The following KIF26B variants were observed in gnomAD, a reference collection of about 807,000 sequenced individuals.
KIF26B encodes the protein kinesin family member 26B.
Under a neutral mutation model 151.2 loss-of-function variants are expected in KIF26B, and 63 were observed. That is an observed-to-expected ratio of 0.42 (90% CI 0.34 to 0.51). The LOEUF is 0.51. Among genes scored for constraint, KIF26B ranks in the 20% least tolerant of loss-of-function variants. The pLI, the probability that KIF26B is intolerant of heterozygous loss-of-function variation, is 0.07. For missense variants in KIF26B, 2,813 were observed against 2,913.6 expected, an observed-to-expected ratio of 0.97 and a Z score of 0.79; for synonymous variants, 1,357 against 1,262.1, an observed-to-expected ratio of 1.08 and a Z score of -1.59.
intron 3 of KIF26B, among the ~76,000 whole-genome samples, chr1:245,416,804 C>G (rs1674431892): frequency 6.6e-6 from 1 of 152,140 alleles, no homozygotes; most frequent in Admixed American, 6.5e-5. Context: ...GGTAAATTAG[C>G]AGTTCCTGTA....
intron 10 of KIF26B, among the ~76,000 whole-genome samples, chr1:245,648,342 G>C (rs1173235778): frequency 6.6e-6 from 1 of 152,114 alleles, no homozygotes; most frequent in African/African-American, 2.4e-5. Context: ...TAAATGAGTA[G>C]GGAAACATTA....
intron 4 of KIF26B, among the ~76,000 whole-genome samples, chr1:245,497,084 T>C (rs560053805): frequency 3.2e-4 from 47 of 147,646 alleles, no homozygotes; most frequent in African/African-American, 1.2e-3. Flanking sequence ...ACCCTGGGGG[T>C]GGAGGTTGCT....
At chr1:245,690,704 A>T (rs1339994033) in intron 12 of KIF26B, among the ~76,000 whole-genome samples, 2 of 151,410 alleles carry the variant, frequency 1.3e-5, no homozygotes, top group African/African-American at 4.9e-5. Context: ...GTAGGGAATC[A>T]TCGTGGCTGT....
intron 10 of KIF26B, among the ~76,000 whole-genome samples, chr1:245,654,621 A>G (rs1405057480): frequency 1.3e-5 from 2 of 152,202 alleles, no homozygotes; most frequent in Non-Finnish European, 2.9e-5. Flanking sequence ...GCAGGACTCC[A>G]CCAGGCTTTC....
At chr1:245,196,592 T>C (rs1241272837) in intron 2 of KIF26B, among the ~76,000 whole-genome samples, 3 of 152,170 alleles carry the variant, frequency 2.0e-5, no homozygotes, top group Non-Finnish European at 4.4e-5. Flanking sequence ...CTCGCATTTC[T>C]AACGGGTTTC....
At chr1:245,457,773 T>C (rs535172602) in intron 4 of KIF26B, among the ~76,000 whole-genome samples, 5 of 152,374 alleles carry the variant, frequency 3.3e-5, no homozygotes, top group Admixed American at 3.3e-4. Flanking sequence ...TATTACATCA[T>C]AGGAGATTTC....
chr1:245,619,654 T>C (rs2043637187), intron 9 of KIF26B, among the ~76,000 whole-genome samples: 1 of 148,276 alleles, frequency 6.7e-6, no homozygotes, highest in Non-Finnish European at 1.5e-5. Flanking sequence ...TGGCTCACAC[T>C]GTAATCCCAG....
chr1:245,168,707 C>T (rs1668655232), intron 2 of KIF26B, among the ~76,000 whole-genome samples: 1 of 152,060 alleles, frequency 6.6e-6, no homozygotes, highest in South Asian at 2.1e-4. Context: ...TGATTTCTCT[C>T]TTTTTTTCTG....
intron 2 of KIF26B, among the ~76,000 whole-genome samples, chr1:245,190,635 TTTTG>T: frequency 1.6e-5 from 1 of 64,260 alleles, no homozygotes; most frequent in African/African-American, 5.7e-5. Context: ...GAATGTTTTG[TTTTG>T]TTTTTTTTTT....
chr1:245,652,145 T>A (rs6669528), intron 10 of KIF26B, among the ~76,000 whole-genome samples: 55,018 of 142,662 alleles, frequency 0.39, 11,033 homozygotes, highest in Middle Eastern at 0.48. Context: ...TGTGTGTGTG[T>A]GAGAGAGACA....
intron 2 of KIF26B, among the ~76,000 whole-genome samples, chr1:245,176,396 C>A (rs1294374066): frequency 6.6e-6 from 1 of 152,116 alleles, no homozygotes; most frequent in East Asian, 1.9e-4. Flanking sequence ...AAGTAGAATG[C>A]CATATTTCAT....
At chr1:245,329,609 A>T (rs1395285276) in intron 2 of KIF26B, among the ~76,000 whole-genome samples, 1 of 151,576 alleles carries the variant, frequency 6.6e-6, no homozygotes, top group East Asian at 1.9e-4. Context: ...CCGCCATGAC[A>T]CCCCTCATAC....
chr1:245,589,974 C>T (rs1254929481), intron 5 of KIF26B, among the ~76,000 whole-genome samples: 2 of 152,232 alleles, frequency 1.3e-5, no homozygotes, highest in Non-Finnish European at 2.9e-5. Context: ...AGCCAAATAG[C>T]ATCTCTGTGC....
intron 6 of KIF26B, among the ~76,000 whole-genome samples, 158 bp from the exon 7 acceptor site, chr1:245,607,493 T>G (rs1488992263): frequency 3.3e-5 from 5 of 152,216 alleles, no homozygotes; most frequent in Non-Finnish European, 7.3e-5. Context: ...CGCCAGGGGT[T>G]CTGAGCATCT....
chr1:245,622,325 GCTTT>G (rs1245686084), intron 9 of KIF26B, among the ~76,000 whole-genome samples: 2 of 152,252 alleles, frequency 1.3e-5, no homozygotes, highest in Non-Finnish European at 1.5e-5. Flanking sequence ...GAATTGCAAT[GCTTT>G]CTTTAAGTAT....
At chr1:245,419,465 G>T in intron 3 of KIF26B, 114 bp from the exon 4 acceptor site, 2 of 890,404 alleles carry the variant, frequency 2.2e-6, no homozygotes, top group South Asian at 3.8e-5. Flanking sequence ...GAATGCAGGT[G>T]GGATAGAAAC....
At chr1:245,445,031 C>T (rs1659215546) in intron 4 of KIF26B, among the ~76,000 whole-genome samples, 1 of 152,166 alleles carries the variant, frequency 6.6e-6, no homozygotes, top group African/African-American at 2.4e-5. Context: ...TGAACATGAA[C>T]CCCAAATTCC....
intron 9 of KIF26B, among the ~76,000 whole-genome samples, chr1:245,639,701 A>G (rs1379751231): frequency 6.6e-6 from 1 of 151,866 alleles, no homozygotes; most frequent in East Asian, 1.9e-4. Flanking sequence ...TTTAAACTTC[A>G]TTCTTAATTT....
intron 2 of KIF26B, among the ~76,000 whole-genome samples, chr1:245,226,502 G>A (rs761182928): frequency 6.7e-6 from 1 of 150,144 alleles, no homozygotes; most frequent in South Asian, 2.1e-4. Context: ...GCTCTTAGTT[G>A]CCCAGGCTAG....
Sources: gnomAD v4.1 joint callset for allele counts (sites outside exome capture counted in the v4.1 genomes callset) on GRCh38, gnomAD v4.1.1 for gene constraint, MANE v1.5 for transcripts, NCBI Gene and HGNC (gene_info 2026-07-23, HGNC 2026-07-21) for gene names.